The following SPATA13 variants were observed in gnomAD, a reference collection of about 807,000 sequenced individuals.
SPATA13 encodes the protein spermatogenesis-associated protein 13.
A neutral mutation model predicts 104.0 loss-of-function variants in SPATA13; 50 were observed. That is an observed-to-expected ratio of 0.48 (90% CI 0.38 to 0.61). The LOEUF (loss-of-function observed/expected upper bound fraction) is 0.61, where lower values mean the gene tolerates loss of function less well. Among genes scored for constraint, SPATA13 ranks in the 20% least tolerant of loss-of-function variants. SPATA13 has a pLI of 0.00. For missense variants in SPATA13, 1,524 were observed against 1,690.6 expected (o/e 0.90, Z 1.73); for synonymous variants, 606 against 667.5 (o/e 0.91, Z 1.42).
At chr13:24,200,243 G>T (rs979744376) in intron 1 of SPATA13, among the ~76,000 whole-genome samples, 1 of 152,168 alleles carries the variant, frequency 6.6e-6, no homozygotes, top group Non-Finnish European at 1.5e-5. Context: ...TGGCACTCCT[G>T]GGTGGCGCAG....
rs998420750 is a variant in SPATA13 at position 24,088,278 on chromosome 13, C to A, written c.-112+70577C>A. The stretch of plus-strand genomic sequence containing the variant: ...GTTTGCATTCTACAGATGAGCACAC[C>A]GAGGCTCAGAGCGGTAAGGAATTGG... On this transcript the variant is annotated intron_variant, in intron 3 of 14. Transcript: ENST00000424834. This position sits in a 1 kb window ranked among gnomAD's most constrained non-coding sequence, Gnocchi z 4.3. Among the ~76,000 whole-genome samples, 2 of 152,098 alleles carry A rather than the reference C, an allele frequency of 1.3e-5. No individual in the cohort carries two copies. The highest frequency in any genetic ancestry group is 4.8e-5 in the African/African-American group (2 of 41,404).
intron 3 of SPATA13, among the ~76,000 whole-genome samples, chr13:24,093,003 A>G (rs149625165): frequency 1.6e-4 from 24 of 152,360 alleles, no homozygotes; most frequent in Non-Finnish European, 2.8e-4. Context: ...GGCCGTGATG[A>G]TTAATCTTAT....
chr13:24,153,233 G>C (rs566714837), intron 3 of SPATA13, among the ~76,000 whole-genome samples: 3 of 152,310 alleles, frequency 2.0e-5, no homozygotes, highest in East Asian at 3.9e-4. Flanking sequence ...GTATGTTTAG[G>C]GTTTCCAATA....
At chr13:24,071,428 G>A (rs976666323) in intron 3 of SPATA13, among the ~76,000 whole-genome samples, 3 of 152,184 alleles carry the variant, frequency 2.0e-5, no homozygotes, top group Non-Finnish European at 4.4e-5. Flanking sequence ...TATCTGCATT[G>A]TTGTCTTTAA....
intron 3 of SPATA13, among the ~76,000 whole-genome samples, chr13:24,037,336 A>ATACTTT (rs1877727545): frequency 1.3e-5 from 2 of 151,984 alleles, no homozygotes; most frequent in South Asian, 2.1e-4. Flanking sequence ...CATGTACCCT[A>ATACTTT]GAACTTAAAG....
chr13:24,265,731 C>G (rs1874270065), intron 4 of SPATA13, among the ~76,000 whole-genome samples: 1 of 152,146 alleles, frequency 6.6e-6, no homozygotes, highest in Admixed American at 6.5e-5. Context: ...CAGCATGACT[C>G]TCCCCTGGGG....
intron 1 of SPATA13, among the ~76,000 whole-genome samples, chr13:24,176,167 G>A (rs899435546): frequency 6.6e-6 from 1 of 152,024 alleles, no homozygotes; most frequent in East Asian, 1.9e-4. Context: ...TCCATTTTTT[G>A]TTTTATTTCT....
intron 11 of SPATA13, among the ~76,000 whole-genome samples, chr13:24,298,500 C>G (rs892627405): frequency 7.9e-5 from 12 of 152,190 alleles, no homozygotes; most frequent in African/African-American, 2.4e-4. Context: ...TTAATGATGG[C>G]AGCACCCACA....
chr13:24,189,892 T>TTATATA (rs1566140761), intron 1 of SPATA13, among the ~76,000 whole-genome samples: 2 of 24,258 alleles, frequency 8.2e-5, no homozygotes, highest in African/African-American at 8.4e-5. Context: ...TCATAATATA[T>TTATATA]ATTATATAAT....
chr13:23,988,106 G>T (rs1242405802), intron 2 of SPATA13, among the ~76,000 whole-genome samples: 1 of 152,162 alleles, frequency 6.6e-6, no homozygotes, highest in African/African-American at 2.4e-5. Flanking sequence ...ACCACGTCTG[G>T]TTAATTTTTG....
intron 1 of SPATA13, among the ~76,000 whole-genome samples, chr13:24,204,898 C>G (rs1870618141): frequency 1.3e-5 from 2 of 152,120 alleles, no homozygotes; most frequent in Non-Finnish European, 2.9e-5. Flanking sequence ...GTGAGTAATG[C>G]TGCTGTGAAC....
intron 1 of SPATA13, among the ~76,000 whole-genome samples, chr13:24,211,962 C>T (rs1475800183): frequency 6.6e-6 from 1 of 152,134 alleles, no homozygotes; most frequent in Non-Finnish European, 1.5e-5. Flanking sequence ...CCAGTGCTCC[C>T]CACGTGGCTG....
intron 1 of SPATA13, among the ~76,000 whole-genome samples, chr13:24,167,809 T>G (rs1040756112): frequency 6.6e-6 from 1 of 152,020 alleles, no homozygotes; most frequent in African/African-American, 2.4e-5. Context: ...ATAATCTTTT[T>G]GTATTTCTTG....
Position 24,258,669 on chromosome 13 carries a change from G to A in SPATA13, c.2164+6807G>A, listed in dbSNP as rs571441822. Among the ~76,000 whole-genome samples, 16 of 151,650 alleles carry A rather than the reference G, an allele frequency of 1.1e-4. No individual in the cohort carries two copies. In the South Asian group the frequency reaches 1.7e-3, roughly 16 times the overall value. ...GGCAACAGAGTGAGACCTCCTCTCCGCTAAAAAAAAAGAGAGACTGAAAAG... is the reference window on the plus strand; with the variant it reads ...GGCAACAGAGTGAGACCTCCTCTCCACTAAAAAAAAAGAGAGACTGAAAAG... On this transcript the variant is annotated intron_variant, in intron 4 of 12. Coordinates refer to ENST00000382108, the MANE Select transcript of SPATA13 (RefSeq NM_001166271.3).
intron 3 of SPATA13, among the ~76,000 whole-genome samples, chr13:24,081,860 T>C (rs1049162125): frequency 3.9e-5 from 6 of 152,226 alleles, no homozygotes; most frequent in Admixed American, 6.5e-5. Context: ...GCCTTTCACT[T>C]TCCACGCCCA....
At chr13:24,010,307 G>A (rs1487698257) in intron 2 of SPATA13, among the ~76,000 whole-genome samples, 3 of 152,164 alleles carry the variant, frequency 2.0e-5, no homozygotes, top group Non-Finnish European at 4.4e-5. Context: ...CCTTAGATGA[G>A]CAGACAGATG....
chr13:24,135,739 T>C (rs1324166621), intron 3 of SPATA13, among the ~76,000 whole-genome samples: 6 of 151,656 alleles, frequency 4.0e-5, no homozygotes, highest in African/African-American at 1.5e-4. Flanking sequence ...AGATAGAGTT[T>C]ATTTTCTCCA....
chr13:24,266,029 G>C (rs1874281530), intron 4 of SPATA13, among the ~76,000 whole-genome samples: 1 of 152,070 alleles, frequency 6.6e-6, no homozygotes, highest in Non-Finnish European at 1.5e-5. Context: ...AACCTTAATG[G>C]CCACTCAATC....
intron 4 of SPATA13, among the ~76,000 whole-genome samples, chr13:24,277,406 T>C (rs1230277344): frequency 1.4e-5 from 2 of 138,342 alleles, no homozygotes; most frequent in East Asian, 4.2e-4. Flanking sequence ...ATCGCGCCAT[T>C]GCACTCCAGC....
Sources: allele counts gnomAD v4.1 joint callset (sites outside exome capture counted in the v4.1 genomes callset), GRCh38; gene constraint gnomAD v4.1.1; non-coding constraint Gnocchi (gnomAD v3.1); transcripts MANE v1.5; gene names NCBI Gene and HGNC (gene_info 2026-07-23, HGNC 2026-07-21).